NALF1: variants seen among roughly 807,000 people sequenced by gnomAD.
The protein encoded by NALF1 is family with sequence similarity 155 member A.
In NALF1, 3 loss-of-function variants were observed where a neutral mutation model predicts 48.4. The ratio of observed to expected loss-of-function variants is 0.06; its 90% CI spans 0.03 to 0.16. The LOEUF (loss-of-function observed/expected upper bound fraction) is 0.16. Ranked by LOEUF, NALF1 falls within the 10% of genes least tolerant of loss-of-function variation. The probability of loss-of-function intolerance (pLI) is 1.00; values close to 1 mark genes in which losing one functional copy is unlikely to be tolerated. For synonymous variants in NALF1, 262 were observed against 245.7 expected, an observed-to-expected ratio of 1.07 and a Z score of -0.62; for missense variants, 526 against 571.5, an observed-to-expected ratio of 0.92 and a Z score of 0.81.
At chr13:107,759,061 T>C (rs549039888) in intron 1 of NALF1, among the ~76,000 whole-genome samples, 1 of 152,274 alleles carries the variant, frequency 6.6e-6, no homozygotes, top group Admixed American at 6.5e-5. Context: ...GTAGATTTTG[T>C]AATAGACTTC....
At chr13:107,442,472 A>G (rs142765565) in intron 1 of NALF1, among the ~76,000 whole-genome samples, 35 of 152,262 alleles carry the variant, frequency 2.3e-4, no homozygotes, top group African/African-American at 7.5e-4. Context: ...GTATCTTTCA[A>G]TTTTTCACAT....
chr13:107,620,878 A>G (rs762146854), intron 1 of NALF1, among the ~76,000 whole-genome samples: 1 of 152,128 alleles, frequency 6.6e-6, no homozygotes, highest in African/African-American at 2.4e-5. Context: ...CCAGTTGATC[A>G]CTATCCGTGG....
chr13:107,845,590 C>G (rs548535466), intron 1 of NALF1, among the ~76,000 whole-genome samples: 1 of 152,278 alleles, frequency 6.6e-6, no homozygotes, highest in African/African-American at 2.4e-5. Context: ...TCTTTCTCCA[C>G]TTATTTGGAT....
chr13:107,331,861 T>G, intron 1 of NALF1, among the ~76,000 whole-genome samples: 1 of 152,212 alleles, frequency 6.6e-6, no homozygotes, highest in East Asian at 1.9e-4. Flanking sequence ...ACATTATAAT[T>G]TTATATATCC....
At chr13:107,822,726 C>T (rs1879394922) in intron 1 of NALF1, among the ~76,000 whole-genome samples, 1 of 152,090 alleles carries the variant, frequency 6.6e-6, no homozygotes. Context: ...GAAAATCCTC[C>T]AAATTTTGGC....
At chr13:107,236,705 CT>C (rs1880353712) in intron 1 of NALF1, among the ~76,000 whole-genome samples, 1 of 151,456 alleles carries the variant, frequency 6.6e-6, no homozygotes, top group African/African-American at 2.4e-5. Flanking sequence ...ATCTATCTAT[CT>C]ATCTATCTAT....
At chr13:107,764,403 T>TG (rs918083079) in intron 1 of NALF1, among the ~76,000 whole-genome samples, 27 of 152,170 alleles carry the variant, frequency 1.8e-4, no homozygotes, top group African/African-American at 5.5e-4. Context: ...TGTGCATATA[T>TG]GTGTGTGTAT....
intron 2 of NALF1, among the ~76,000 whole-genome samples, chr13:107,199,134 C>CT (rs1879455986): frequency 6.7e-6 from 1 of 150,174 alleles, no homozygotes; most frequent in East Asian, 2.0e-4. Flanking sequence ...TGCCATGAGG[C>CT]TTTTAGGGTG....
intron 1 of NALF1, among the ~76,000 whole-genome samples, chr13:107,411,256 T>G (rs1346031835): frequency 6.6e-6 from 1 of 152,056 alleles, no homozygotes; most frequent in Admixed American, 6.6e-5. Context: ...TGGGAATGCC[T>G]TGTTGTAATC....
At chr13:107,464,581 C>T (rs570999028) in intron 1 of NALF1, among the ~76,000 whole-genome samples, 3 of 151,926 alleles carry the variant, frequency 2.0e-5, no homozygotes, top group South Asian at 2.1e-4. Context: ...AGTGCAATGG[C>T]GCAATCTCGA....
intron 2 of NALF1, among the ~76,000 whole-genome samples, chr13:107,197,062 C>T (rs901107470): frequency 3.9e-5 from 6 of 152,086 alleles, no homozygotes; most frequent in African/African-American, 1.4e-4. Flanking sequence ...CTGGTAGAAC[C>T]TGTGGCTTTG....
At chr13:107,713,433 G>A (rs893231820) in intron 1 of NALF1, among the ~76,000 whole-genome samples, 4 of 152,080 alleles carry the variant, frequency 2.6e-5, no homozygotes, top group African/African-American at 9.7e-5. Flanking sequence ...TGTACTACAT[G>A]CCAGGTGCTG....
intron 1 of NALF1, among the ~76,000 whole-genome samples, chr13:107,341,244 CAGATTGTCT>C (rs1882674934): frequency 6.6e-6 from 1 of 151,980 alleles, no homozygotes; most frequent in African/African-American, 2.4e-5. Flanking sequence ...AGACAGTGAG[CAGATTGTCT>C]AGGTGGTGGA....
At chr13:107,241,843 T>C (rs963612098) in intron 1 of NALF1, among the ~76,000 whole-genome samples, 9 of 152,200 alleles carry the variant, frequency 5.9e-5, no homozygotes, top group Non-Finnish European at 5.9e-5. Context: ...TGAAGTGCTG[T>C]GCAGAGCAGT....
chr13:107,861,851 A>G (rs1880578932), intron 1 of NALF1, among the ~76,000 whole-genome samples: 1 of 92,126 alleles, frequency 1.1e-5, no homozygotes, highest in African/African-American at 4.5e-5. Context: ...TTTCTTTTCA[A>G]ATTGTACATT....
intron 1 of NALF1, chr13:107,788,625 A>C (rs1878140667): frequency 1.3e-5 from 2 of 152,226 alleles, no homozygotes; most frequent in Non-Finnish European, 2.9e-5. Flanking sequence ...CTACCGGCAC[A>C]TGGCCGCAGT....
chr13:107,638,141 T>G (rs763062426), intron 1 of NALF1, among the ~76,000 whole-genome samples: 1 of 136,138 alleles, frequency 7.3e-6, no homozygotes, highest in Non-Finnish European at 1.6e-5. Flanking sequence ...GCAATGAACC[T>G]ATATATGAAA....
Position 107,341,707 on chromosome 13 carries a change from T to G in NALF1, c.916-130952A>C, listed in dbSNP as rs149955199. Among the ~76,000 whole-genome samples, 354 of 151,440 alleles carry G rather than the reference T, an allele frequency of 2.3e-3. 17 individuals are homozygous for G. In the East Asian group the frequency reaches 0.065, roughly 28 times the overall value. On this transcript the variant is annotated intron_variant, in intron 1 of 2. Transcript: ENST00000375915. The stretch of plus-strand genomic sequence containing the variant: ...ATGTATATATGATAGATACATTATA[T>G]ATAGTATATATGGATAGAGTATATA...
At chr13:107,407,450 T>C (rs7987681) in intron 1 of NALF1, among the ~76,000 whole-genome samples, 145 of 152,068 alleles carry the variant, frequency 9.5e-4, no homozygotes, top group African/African-American at 3.4e-3. Context: ...GGGCAAAAGA[T>C]CTGAATAGAC....
Sources: gnomAD v4.1 joint callset for allele counts (sites outside exome capture counted in the v4.1 genomes callset) on GRCh38, gnomAD v4.1.1 for gene constraint, MANE v1.5 for transcripts, NCBI Gene and HGNC (gene_info 2026-07-23, HGNC 2026-07-21) for gene names.